Variants in WDR27 observed in about 807,000 individuals in gnomAD.
The protein encoded by WDR27 is WD repeat domain 27.
Under a neutral mutation model 114.4 loss-of-function variants are expected in WDR27, and 100 were observed. That is an observed-to-expected ratio of 0.87 (90% CI 0.74 to 1.03). The LOEUF is 1.03. Ranked by LOEUF, WDR27 falls within the 50% of genes least tolerant of loss-of-function variation. The pLI, the probability that WDR27 is intolerant of heterozygous loss-of-function variation, is 0.00. For synonymous variants in WDR27, 449 were observed against 423.1 expected (o/e 1.06, Z -0.75); for missense variants, 1,129 against 1,092.9 (o/e 1.03, Z -0.47).
chr6:169,484,660 G>T (rs1301591030), intron 25 of WDR27, among the ~76,000 whole-genome samples: 2 of 151,948 alleles, frequency 1.3e-5, no homozygotes, highest in Non-Finnish European at 2.9e-5. Flanking sequence ...TCACACAACT[G>T]GAAAAAAACT....
chr6:169,672,981 C>T (rs974459831), intron 2 of WDR27, among the ~76,000 whole-genome samples: 11 of 152,202 alleles, frequency 7.2e-5, no homozygotes, highest in South Asian at 2.1e-4. Flanking sequence ...ATGGAGCAGA[C>T]GAGTGTTGGG....
chr6:169,465,276 A>G lies in WDR27; in HGVS notation c.2646-7642T>C, dbSNP rs1014139041. ...TCCATCTCAAAAAAAAAAAAAAAAA[A>G]AAAAAGAAATAAAGAAAAGATGCTC... On this transcript the variant is annotated intron_variant, in intron 25 of 25. Transcript: ENST00000448612. Among the ~76,000 whole-genome samples, 7 of 151,590 alleles carry G rather than the reference A, an allele frequency of 4.6e-5. No homozygotes were observed. The East Asian group carries it at 9.7e-4, about 21-fold the overall frequency.
Position 169,617,216 on chromosome 6 carries a change from AAG to A in WDR27, c.2224-3562_2224-3561del, listed in dbSNP as rs140241929. On this transcript the variant is annotated intron_variant, in intron 21 of 25. Transcript: ENST00000448612. ...AGGAGAGCAGCCCTCTCTCTCTTTCAAGAGAGAGGGGTGTCCCAAAGGGAAAA... is the reference window on the plus strand; with the variant it reads ...AGGAGAGCAGCCCTCTCTCTCTTTCAAGAGAGGGGTGTCCCAAAGGGAAAA... Among the ~76,000 whole-genome samples the A allele has an allele frequency of 1.3e-3, 198 of 152,284 alleles. 4 individuals are homozygous for A. In the East Asian group the frequency reaches 0.031, roughly 24 times the overall value.
chr6:169,625,473 G>A (rs114289854), intron 21 of WDR27, among the ~76,000 whole-genome samples: 1,626 of 152,324 alleles, frequency 0.011, 41 homozygotes, highest in African/African-American at 0.038. Context: ...GGGTCTGCCC[G>A]TGACCCGGGC....
intron 1 of WDR27, among the ~76,000 whole-genome samples, 184 bp downstream of exon 1, chr6:169,701,367 G>T (rs1006033789): frequency 1.3e-5 from 2 of 152,194 alleles, no homozygotes; most frequent in Non-Finnish European, 2.9e-5. Flanking sequence ...CACGCAGGTT[G>T]AAAGGCCAGT....
intron 25 of WDR27, among the ~76,000 whole-genome samples, chr6:169,553,406 C>T (rs1324255547): frequency 6.6e-6 from 1 of 152,134 alleles, no homozygotes; most frequent in East Asian, 1.9e-4. Context: ...GCCAAATTTT[C>T]ATTGAATCTT....
At chr6:169,427,707 G>T in the WDR27 span, among the ~76,000 whole-genome samples, 3 of 151,704 alleles carry the variant, frequency 2.0e-5, no homozygotes, top group African/African-American at 7.3e-5. Flanking sequence ...TCACCCCAGG[G>T]CCTGTGTGGA....
At chr6:169,656,190 A>T (rs1824143012) in intron 13 of WDR27, among the ~76,000 whole-genome samples, 1 of 152,198 alleles carries the variant, frequency 6.6e-6, no homozygotes, top group Non-Finnish European at 1.5e-5. Flanking sequence ...AGGTTAAAAA[A>T]AAAAGGTACA....
intron 23 of WDR27, among the ~76,000 whole-genome samples, chr6:169,593,876 CAAAAAACA>C (rs1187805363): frequency 2.7e-5 from 1 of 37,360 alleles, no homozygotes; most frequent in Non-Finnish European, 1.5e-4. Context: ...AACAAACAAA[CAAAAAACA>C]AAAAACACAA....
chr6:169,578,813 C>T (rs1802886089), intron 24 of WDR27, among the ~76,000 whole-genome samples: 1 of 152,176 alleles, frequency 6.6e-6, no homozygotes, highest in Non-Finnish European at 1.5e-5. Flanking sequence ...GTAAAATACA[C>T]AGGACTAATG....
chr6:169,666,726 C>G (rs1301235830), intron 6 of WDR27: 1 of 990,536 alleles, frequency 1.0e-6, no homozygotes, highest in East Asian at 1.1e-4. Flanking sequence ...GTGCTCAGGA[C>G]CTGACCATGA....
At chr6:169,559,639 C>T (rs1250436633) in intron 25 of WDR27, 1 of 152,148 alleles carries the variant, frequency 6.6e-6, no homozygotes, top group Admixed American at 6.5e-5. Flanking sequence ...CTCCAGTTCC[C>T]GAGTGTCCAT....
At chr6:169,542,393 AT>A (rs766124139) in intron 25 of WDR27, among the ~76,000 whole-genome samples, 43 of 152,178 alleles carry the variant, frequency 2.8e-4, no homozygotes, top group Admixed American at 1.5e-3. Flanking sequence ...GACCAAAAAA[AT>A]ATCTAATTAT....
intron 24 of WDR27, among the ~76,000 whole-genome samples, chr6:169,576,221 A>C (rs925922999): frequency 6.6e-6 from 1 of 151,926 alleles, no homozygotes; most frequent in Non-Finnish European, 1.5e-5. Context: ...CTCACTATCC[A>C]CTCTGCTGGG....
intron 22 of WDR27, among the ~76,000 whole-genome samples, chr6:169,608,891 T>A (rs907075553): frequency 6.6e-6 from 1 of 152,210 alleles, no homozygotes; most frequent in South Asian, 2.1e-4. Flanking sequence ...AGCTAGTTAC[T>A]TCCTAGATAC....
In WDR27 at chr6:169,647,790, C is replaced by T; in HGVS notation, c.1640G>A (p.Cys547Tyr). Reference protein sequence around the residue: ...VAAAPTCTRVCCIQYSGDGQW... With the variant: ...VAAAPTCTRVYCIQYSGDGQW... Reference sequence around the variant, plus strand: ...TGGCGCACCTGAGTACTGGATGCAGCATACACGTGTGCAGGTGGGGGCGGC... The same window carrying T: ...TGGCGCACCTGAGTACTGGATGCAGTATACACGTGTGCAGGTGGGGGCGGC... Residue 547 changes from cysteine to tyrosine, a missense_variant, in exon 16 of 26, where the codon TGC becomes TAC. Transcript: ENST00000448612. The T allele has an allele frequency of 6.3e-7, 1 of 1,583,296 alleles. No homozygotes were observed. The highest frequency in any genetic ancestry group is 8.6e-7 in the Non-Finnish European group (1 of 1,165,128).
rs181760338 is a variant in WDR27, at chr6:169,659,313, G to A, written c.1198-106C>T. 8.1e-4 allele frequency: 1,252 copies of A among 1,553,374 alleles called. 9 individuals carry two copies. In the East Asian group the frequency reaches 0.013, roughly 16 times the overall value. ...ACAGCTGCTTCATTCTCATAGCAGC[G>A]ACATCGCCCTGTCACTCCTAAAACG... is the stretch of plus-strand genomic sequence containing the variant. On this transcript the variant is annotated intron_variant, in intron 11 of 25. Coordinates refer to ENST00000448612, the MANE Select transcript of WDR27 (RefSeq NM_182552.5). This position sits in a 1 kb window ranked among gnomAD's most constrained non-coding sequence, Gnocchi z 4.3.
chr6:169,578,311 T>C (rs2128135727), intron 24 of WDR27, among the ~76,000 whole-genome samples: 1 of 152,284 alleles, frequency 6.6e-6, no homozygotes, highest in East Asian at 1.9e-4. Flanking sequence ...ATAAAAACAA[T>C]GGCACGGGCT....
rs748299717 is a variant in WDR27, at chr6:169,638,631, A to G, written c.1777T>C (p.Trp593Arg). The G allele has an allele frequency of 6.2e-7, 1 of 1,606,302 alleles. No individual in the cohort carries two copies. The highest frequency in any genetic ancestry group is 8.5e-7 in the Non-Finnish European group (1 of 1,176,454). Residue 593 changes from tryptophan to arginine, a missense_variant, in exon 18 of 26, where the codon TGG becomes CGG. Coordinates refer to ENST00000448612, the MANE Select transcript of WDR27 (RefSeq NM_182552.5). ...GHDGAVNAVC[W>R]SQDRRWLLSA... ...AGCAGCCACCTCCGGTCCTGGCTCC[A>G]GCACACGGCATTCACTGCCCCGTCG... is the stretch of plus-strand genomic sequence containing the variant.
Sources: allele counts gnomAD v4.1 joint callset (sites outside exome capture counted in the v4.1 genomes callset), GRCh38; gene constraint gnomAD v4.1.1; non-coding constraint Gnocchi (gnomAD v3.1); transcripts MANE v1.5; gene names NCBI Gene and HGNC (gene_info 2026-07-23, HGNC 2026-07-21).